The following AP2B1 variants were observed in gnomAD, a reference collection of about 807,000 sequenced individuals.
AP2B1 encodes the protein adaptor related protein complex 2 subunit beta 1.
A neutral mutation model predicts 102.0 loss-of-function variants in AP2B1; 23 were observed. That is an observed-to-expected ratio of 0.23 (90% CI 0.16 to 0.32). AP2B1 has a LOEUF of 0.32. AP2B1 is among the 10% of genes least tolerant of loss of function. The pLI, the probability that AP2B1 is intolerant of heterozygous loss-of-function variation, is 1.00. For synonymous variants in AP2B1, 381 were observed against 421.2 expected (o/e 0.90, Z 1.17); for missense variants, 541 against 1,157.4 (o/e 0.47, Z 7.73).
intron 1 of AP2B1, among the ~76,000 whole-genome samples, chr17:35,588,227 A>G (rs321617): frequency 0.55 from 70,002 of 126,696 alleles, 17,461 homozygotes; most frequent in Admixed American, 0.6. Flanking sequence ...GTAGTCTTCT[A>G]TTGGAGGGGT....
intron 5 of AP2B1, among the ~76,000 whole-genome samples, chr17:35,619,700 G>A (rs1353295454): frequency 6.6e-6 from 1 of 151,998 alleles, no homozygotes; most frequent in Non-Finnish European, 1.5e-5. Context: ...GAGGGGTGGG[G>A]AATGTTTAGT....
At chr17:35,714,489 C>CT (rs1294034502) in intron 20 of AP2B1, among the ~76,000 whole-genome samples, 3 of 152,176 alleles carry the variant, frequency 2.0e-5, no homozygotes, top group Admixed American at 2.0e-4. Flanking sequence ...TCGACACCTT[C>CT]TAAGAGTTGA....
chr17:35,707,097 T>G (rs1018381975), intron 18 of AP2B1, among the ~76,000 whole-genome samples: 1 of 152,184 alleles, frequency 6.6e-6, no homozygotes, highest in African/African-American at 2.4e-5. Context: ...AGCCCACGGC[T>G]GGCATCAATC....
chr17:35,604,134 GTCTC>G (rs2073581586), intron 3 of AP2B1, among the ~76,000 whole-genome samples: 2 of 151,898 alleles, frequency 1.3e-5, no homozygotes, highest in South Asian at 4.2e-4. Flanking sequence ...TTGAGATGGG[GTCTC>G]TCTCTGTTCC....
At chr17:35,645,763 C>T (rs2074915187) in intron 12 of AP2B1, among the ~76,000 whole-genome samples, 1 of 152,178 alleles carries the variant, frequency 6.6e-6, no homozygotes, top group South Asian at 2.1e-4. Flanking sequence ...GCAGGAGAAT[C>T]ACTTGAACCC....
chr17:35,721,015 T>C (rs1187114972), intron 21 of AP2B1, among the ~76,000 whole-genome samples: 1 of 152,162 alleles, frequency 6.6e-6, no homozygotes, highest in African/African-American at 2.4e-5. Context: ...CTTAAGTTCC[T>C]ATTATACTAT....
At chr17:35,646,443 C>T (rs112355906) in intron 12 of AP2B1, among the ~76,000 whole-genome samples, 1,525 of 151,980 alleles carry the variant, frequency 0.01, 18 homozygotes, top group African/African-American at 0.035. Flanking sequence ...GGGAGATTTG[C>T]ACTCATTTCT....
intron 21 of AP2B1, among the ~76,000 whole-genome samples, chr17:35,722,817 T>C (rs1204058037): frequency 6.6e-6 from 1 of 152,222 alleles, no homozygotes. Context: ...GTTAATAATA[T>C]TCTGCCTAAT....
rs587656940 is a variant in AP2B1, at chr17:35,705,581, G to A, written c.2455-3643G>A. Reference sequence around the variant, plus strand: ...CTGTTGCCCAGGCTGGAGTGCAGTGGTGCAATCTCAGCTCACTGCAGCCTC... The same window carrying A: ...CTGTTGCCCAGGCTGGAGTGCAGTGATGCAATCTCAGCTCACTGCAGCCTC... On this transcript the variant is annotated intron_variant, in intron 18 of 21. Transcript: ENST00000610402. Among the ~76,000 whole-genome samples, 12 of 152,210 alleles carry A rather than the reference G, an allele frequency of 7.9e-5. No individual in the cohort carries two copies. The East Asian group carries it at 2.3e-3, about 29-fold the overall frequency.
intron 2 of AP2B1, chr17:35,597,135 C>T: frequency 2.0e-6 from 1 of 500,704 alleles, no homozygotes; most frequent in Non-Finnish European, 3.7e-6. Flanking sequence ...GGAGACTGTC[C>T]CCACTGTTTC....
intron 18 of AP2B1, among the ~76,000 whole-genome samples, chr17:35,698,865 C>T (rs956628990): frequency 6.6e-6 from 1 of 152,294 alleles, no homozygotes; most frequent in African/African-American, 2.4e-5. Flanking sequence ...CCTGAAGGTT[C>T]GTCATTCTAA....
intron 18 of AP2B1, among the ~76,000 whole-genome samples, chr17:35,708,610 C>T (rs191512793): frequency 3.3e-5 from 5 of 152,016 alleles, no homozygotes; most frequent in Admixed American, 2.0e-4. Flanking sequence ...CTTTTTCCAA[C>T]CATAAGACCT....
At chr17:35,623,147 T>A (rs886589077) in intron 5 of AP2B1, among the ~76,000 whole-genome samples, 1 of 152,128 alleles carries the variant, frequency 6.6e-6, no homozygotes, top group Non-Finnish European at 1.5e-5. Flanking sequence ...CTTTAGATGT[T>A]CTTCCTTTGT....
chr17:35,613,989 A>G (rs1336775338), intron 5 of AP2B1, among the ~76,000 whole-genome samples: 2 of 152,164 alleles, frequency 1.3e-5, no homozygotes, highest in African/African-American at 2.4e-5. Context: ...TCTTTTTGGT[A>G]TATGACTTGT....
At chr17:35,653,894 ACTTAT>A (rs1056952666) in intron 13 of AP2B1, among the ~76,000 whole-genome samples, 5 of 151,886 alleles carry the variant, frequency 3.3e-5, no homozygotes, top group African/African-American at 4.8e-5. Context: ...TGTTTTTCTT[ACTTAT>A]CTTAACAGAA....
chr17:35,595,723 T>G (rs225299), intron 2 of AP2B1, among the ~76,000 whole-genome samples: 1 of 151,768 alleles, frequency 6.6e-6, no homozygotes, highest in African/African-American at 2.4e-5. Context: ...TTAGTACCCC[T>G]CTTTGGTCCT....
At chr17:35,706,671 A>T (rs1472468510) in intron 18 of AP2B1, among the ~76,000 whole-genome samples, 4 of 148,810 alleles carry the variant, frequency 2.7e-5, no homozygotes, top group Admixed American at 2.7e-4. Context: ...GAGGCAGTTC[A>T]CTCTTGTCAC....
intron 18 of AP2B1, among the ~76,000 whole-genome samples, chr17:35,690,306 T>C (rs1353593064): frequency 6.6e-6 from 1 of 152,214 alleles, no homozygotes; most frequent in Non-Finnish European, 1.5e-5. Flanking sequence ...TGCTGAATTT[T>C]CCTCACTGGG....
At chr17:35,695,288 T>C (rs1246912192) in intron 18 of AP2B1, among the ~76,000 whole-genome samples, 4 of 152,134 alleles carry the variant, frequency 2.6e-5, no homozygotes, top group Non-Finnish European at 5.9e-5. Context: ...CAGTCACATA[T>C]ACATTTGCTG....
Sources: allele counts gnomAD v4.1 joint callset (sites outside exome capture counted in the v4.1 genomes callset), GRCh38; gene constraint gnomAD v4.1.1; transcripts MANE v1.5; gene names NCBI Gene and HGNC (gene_info 2026-07-23, HGNC 2026-07-21).